CNTN5: variants seen among roughly 807,000 people sequenced by gnomAD.
The protein encoded by CNTN5 is contactin 5.
A neutral mutation model predicts 129.1 loss-of-function variants in CNTN5; 77 were observed. The ratio of observed to expected loss-of-function variants is 0.60; its 90% CI spans 0.50 to 0.72. CNTN5 has a LOEUF of 0.72. Among genes scored for constraint, CNTN5 ranks in the 30% least tolerant of loss-of-function variants. The pLI, the probability that CNTN5 is intolerant of heterozygous loss-of-function variation, is 0.00. For synonymous variants in CNTN5, 509 were observed against 465.6 expected, an observed-to-expected ratio of 1.09 and a Z score of -1.20; for missense variants, 1,478 against 1,328.8, an observed-to-expected ratio of 1.11 and a Z score of -1.75.
intron 9 of CNTN5, among the ~76,000 whole-genome samples, chr11:100,021,805 G>A (rs1056231921): frequency 6.6e-6 from 1 of 152,204 alleles, no homozygotes; most frequent in African/African-American, 2.4e-5. Flanking sequence ...GAAGCTGACA[G>A]TGCAGCCTTT....
intron 17 of CNTN5, among the ~76,000 whole-genome samples, chr11:100,260,656 A>G (rs1950175965): frequency 6.6e-6 from 1 of 152,218 alleles, no homozygotes; most frequent in Non-Finnish European, 1.5e-5. Context: ...CAGATCAATA[A>G]ACATAATCCA....
chr11:99,455,890 C>A (rs1239583261), intron 2 of CNTN5, among the ~76,000 whole-genome samples: 1 of 151,926 alleles, frequency 6.6e-6, no homozygotes, highest in East Asian at 1.9e-4. Context: ...TTCGTTAGTC[C>A]TATAGCATCT....
intron 1 of CNTN5, among the ~76,000 whole-genome samples, chr11:99,032,458 T>C (rs1422510373): frequency 6.7e-6 from 1 of 149,730 alleles, no homozygotes; most frequent in Admixed American, 6.7e-5. Flanking sequence ...TGATTGCCAT[T>C]CTAACTGGTG....
chr11:99,052,286 T>G (rs1864458664), intron 1 of CNTN5, among the ~76,000 whole-genome samples: 1 of 151,878 alleles, frequency 6.6e-6, no homozygotes, highest in African/African-American at 2.4e-5. Flanking sequence ...TAAAAAATCT[T>G]GAAAAGTACA....
intron 3 of CNTN5, among the ~76,000 whole-genome samples, chr11:99,761,590 T>A (rs1418029968): frequency 1.3e-5 from 2 of 152,130 alleles, no homozygotes; most frequent in Admixed American, 1.3e-4. Flanking sequence ...ACAAAGGACA[T>A]GAACTCATCC....
At chr11:99,160,013 AAAC>A (rs1457881323) in intron 1 of CNTN5, among the ~76,000 whole-genome samples, 1 of 152,304 alleles carries the variant, frequency 6.6e-6, no homozygotes, top group East Asian at 1.9e-4. Flanking sequence ...CAGGTGAACA[AAAC>A]AAGAGTAGTC....
chr11:99,992,979 T>C (rs535473277), intron 8 of CNTN5, among the ~76,000 whole-genome samples: 18 of 152,270 alleles, frequency 1.2e-4, no homozygotes, highest in Non-Finnish European at 2.5e-4. Flanking sequence ...AGCTCCATAC[T>C]AGGGGCAATC....
intron 13 of CNTN5, among the ~76,000 whole-genome samples, chr11:100,166,339 C>A (rs902291927): frequency 2.0e-5 from 3 of 151,618 alleles, no homozygotes; most frequent in African/African-American, 4.8e-5. Context: ...CTGCCCCCGG[C>A]ATATGAAAAT....
intron 6 of CNTN5, among the ~76,000 whole-genome samples, chr11:99,913,553 T>C (rs950234906): frequency 2.6e-5 from 4 of 151,964 alleles, no homozygotes; most frequent in Admixed American, 1.3e-4. Context: ...TATGAGGAAA[T>C]GTTGAATTTT....
At chr11:99,716,519 A>T (rs1955239078) in intron 3 of CNTN5, among the ~76,000 whole-genome samples, 1 of 151,958 alleles carries the variant, frequency 6.6e-6, no homozygotes, top group South Asian at 2.1e-4. Context: ...TGCTGCTCCC[A>T]TGCAGTCCCA....
chr11:99,360,206 A>G (rs11219595), intron 2 of CNTN5, among the ~76,000 whole-genome samples: 40,291 of 152,086 alleles, frequency 0.26, 5,311 homozygotes, highest in South Asian at 0.33. Flanking sequence ...CAGCCTTGCC[A>G]CTTTGGCTTT....
At chr11:99,353,525 T>C (rs990986119) in intron 2 of CNTN5, among the ~76,000 whole-genome samples, 2 of 152,222 alleles carry the variant, frequency 1.3e-5, no homozygotes, top group African/African-American at 4.8e-5. Context: ...TTGAGACTGA[T>C]GGAGTGCAAA....
intron 8 of CNTN5, among the ~76,000 whole-genome samples, chr11:99,969,283 A>G (rs920504688): frequency 5.3e-5 from 8 of 152,228 alleles, no homozygotes; most frequent in African/African-American, 1.2e-4. Flanking sequence ...TTGATTTCCT[A>G]TATGATTGCC....
chr11:100,025,659 T>G (rs1373331944), intron 9 of CNTN5, among the ~76,000 whole-genome samples: 1 of 152,188 alleles, frequency 6.6e-6, no homozygotes, highest in African/African-American at 2.4e-5. Context: ...GGAACCCACC[T>G]TTTGCTTCAG....
At chr11:99,505,931 C>T (rs896485914) in intron 2 of CNTN5, among the ~76,000 whole-genome samples, 6 of 152,316 alleles carry the variant, frequency 3.9e-5, no homozygotes, top group Admixed American at 2.0e-4. Context: ...ATTGCCAATT[C>T]CGAACTCTGT....
chr11:99,733,993 A>T (rs1355582939), intron 3 of CNTN5, among the ~76,000 whole-genome samples: 1 of 152,168 alleles, frequency 6.6e-6, no homozygotes, highest in African/African-American at 2.4e-5. Flanking sequence ...CAGAGTTCTC[A>T]CCAGCAGAAA....
Position 99,882,686 on chromosome 11 carries a change from G to A in CNTN5, c.578-33368G>A, listed in dbSNP as rs146133915. On this transcript the variant is annotated intron_variant, in intron 6 of 24. Coordinates refer to ENST00000524871, the MANE Select transcript of CNTN5 (RefSeq NM_014361.4). The stretch of plus-strand genomic sequence containing the variant: ...AAAATGAGGTTATCCATCCCCTTTA[G>A]CATTTATCTTTTGTGTTAAAAACAA... Among the ~76,000 whole-genome samples, 254 of 151,920 alleles carry A rather than the reference G, an allele frequency of 1.7e-3. 1 individual carries two copies. Among genetic ancestry groups the A allele is most frequent in the African/African-American group, 5.9e-3 (246 of 41,414 alleles).
At chr11:99,957,118 A>C in intron 8 of CNTN5, 109 bp downstream of exon 8, 1 of 972,936 alleles carries the variant, frequency 1.0e-6, no homozygotes, top group South Asian at 1.7e-5. Flanking sequence ...TAAAATAAAA[A>C]GGCATTTGCC....
intron 21 of CNTN5, among the ~76,000 whole-genome samples, chr11:100,336,300 T>C (rs552682699): frequency 4.3e-4 from 66 of 152,334 alleles, no homozygotes; most frequent in African/African-American, 1.3e-3. Context: ...TATGAATATT[T>C]GCACGGCAGC....
Sources: allele counts gnomAD v4.1 joint callset (sites outside exome capture counted in the v4.1 genomes callset), GRCh38; gene constraint gnomAD v4.1.1; transcripts MANE v1.5; gene names NCBI Gene and HGNC (gene_info 2026-07-23, HGNC 2026-07-21).